Variants in RERE observed in about 807,000 individuals in gnomAD.
The protein encoded by RERE is arginine-glutamic acid dipeptide repeats protein.
In RERE, 40 loss-of-function variants were observed where a neutral mutation model predicts 146.1. The observed-to-expected ratio is 0.27, with a 90% CI of 0.21 to 0.36. The LOEUF (loss-of-function observed/expected upper bound fraction) is 0.36, where lower values mean the gene tolerates loss of function less well. RERE is among the 10% of genes least tolerant of loss of function. The pLI, the probability that RERE is intolerant of heterozygous loss-of-function variation, is 1.00. For synonymous variants in RERE, 1,003 were observed against 866.0 expected (o/e 1.16, Z -2.78); for missense variants, 1,933 against 2,138.7 (o/e 0.90, Z 1.90).
At chr1:8,768,673 G>A (rs962499154) in intron 1 of RERE, among the ~76,000 whole-genome samples, 1 of 152,150 alleles carries the variant, frequency 6.6e-6, no homozygotes, top group African/African-American at 2.4e-5. Flanking sequence ...AAATTTACAG[G>A]CCAGTTAGGT....
At chr1:8,362,613 G>C in intron 16 of RERE, 70 bp downstream of exon 16, 1 of 1,586,602 alleles carries the variant, frequency 6.3e-7, no homozygotes, top group Non-Finnish European at 8.6e-7. Flanking sequence ...AGCTGATCAC[G>C]AATACCAGCA....
At chr1:8,437,818 AC>A (rs1458256314) in intron 11 of RERE, among the ~76,000 whole-genome samples, 2 of 152,134 alleles carry the variant, frequency 1.3e-5, no homozygotes, top group Non-Finnish European at 2.9e-5. Flanking sequence ...CTAAAATTTT[AC>A]AAAAAGAAAT....
chr1:8,507,735 A>ATTTTT (rs1404147445), intron 8 of RERE, among the ~76,000 whole-genome samples: 3 of 41,416 alleles, frequency 7.2e-5, no homozygotes, highest in Non-Finnish European at 1.3e-4. Flanking sequence ...AACATCTTTT[A>ATTTTT]TCTTTTTTTT....
intron 1 of RERE, among the ~76,000 whole-genome samples, chr1:8,714,756 T>C (rs1016200832): frequency 1.3e-5 from 2 of 152,102 alleles, no homozygotes; most frequent in African/African-American, 4.8e-5. Flanking sequence ...TTCCAATAGT[T>C]CTGTTGGAAA....
At chr1:8,631,472 G>T (rs1261908043) in intron 2 of RERE, among the ~76,000 whole-genome samples, 1 of 152,122 alleles carries the variant, frequency 6.6e-6, no homozygotes, top group East Asian at 1.9e-4. Flanking sequence ...CATGACCCCC[G>T]CTTCCCAAAT....
rs933771933 is a variant in RERE at position 8,352,479 on chromosome 1, C to G, written c.*2608G>C. The stretch of plus-strand genomic sequence containing the variant: ...ACAAAATACTCAAATGGAGAGAACA[C>G]AGAAGTCACGATTTCTGGGTGTCTA... On this transcript the variant is annotated 3_prime_UTR_variant, in exon 23 of 23. Coordinates refer to ENST00000400908, the MANE Select transcript of RERE (RefSeq NM_001042681.2). 1.3e-5 allele frequency: 2 copies of G among 152,448 alleles called. No individual in the cohort carries two copies. Among genetic ancestry groups the G allele is most frequent in the Non-Finnish European group, 2.9e-5 (2 of 68,038 alleles). The allele number at this position is 152,448 out of a possible 1,614,324, so 9.4% of individuals were successfully genotyped here. A position where few individuals can be genotyped will look rare whatever the true frequency, so the allele number is the denominator to read the frequency against.
At chr1:8,640,132 G>T (rs1647157097) in intron 2 of RERE, among the ~76,000 whole-genome samples, 1 of 150,742 alleles carries the variant, frequency 6.6e-6, no homozygotes, top group Admixed American at 6.7e-5. Context: ...TCCAACCTGG[G>T]TGACAGAGTA....
chr1:8,588,451 C>T (rs1232635802), intron 4 of RERE, among the ~76,000 whole-genome samples: 1 of 152,152 alleles, frequency 6.6e-6, no homozygotes, highest in South Asian at 2.1e-4. Flanking sequence ...CTCGTCCAGT[C>T]TCTCTGGGTG....
intron 4 of RERE, among the ~76,000 whole-genome samples, chr1:8,607,107 C>T (rs574834167): frequency 2.2e-4 from 34 of 152,056 alleles, no homozygotes; most frequent in Non-Finnish European, 4.4e-4. Flanking sequence ...ACAATTGTAA[C>T]CCTAACCCTT....
chr1:8,469,310 A>G (rs1030050420), intron 10 of RERE, among the ~76,000 whole-genome samples: 1 of 152,200 alleles, frequency 6.6e-6, no homozygotes, highest in Admixed American at 6.5e-5. Flanking sequence ...TCTCACATAC[A>G]GGAAAAAATT....
chr1:8,779,458 G>T (rs1312200428), intron 1 of RERE, among the ~76,000 whole-genome samples: 1 of 151,820 alleles, frequency 6.6e-6, no homozygotes, highest in Non-Finnish European at 1.5e-5. Context: ...GGTCCAGGAG[G>T]TCGAGACCAG....
intron 1 of RERE, among the ~76,000 whole-genome samples, chr1:8,725,920 T>C (rs922407645): frequency 1.3e-5 from 2 of 151,620 alleles, no homozygotes; most frequent in Non-Finnish European, 2.9e-5. Context: ...TAATTTTAAC[T>C]TTGTTTTAAA....
chr1:8,453,329 C>T (rs1644410849), intron 11 of RERE, among the ~76,000 whole-genome samples: 1 of 152,200 alleles, frequency 6.6e-6, no homozygotes, highest in African/African-American at 2.4e-5. Context: ...GAGCCCACCC[C>T]ACTCTTTAAG....
intron 1 of RERE, among the ~76,000 whole-genome samples, chr1:8,750,012 C>G (rs148526575): frequency 6.6e-5 from 10 of 151,814 alleles, no homozygotes; most frequent in Admixed American, 3.9e-4. Flanking sequence ...ATTAACCAGG[C>G]GTGGTGGCGG....
Position 8,602,434 on chromosome 1 carries a change from G to A in RERE, c.522+12127C>T, listed in dbSNP as rs547511116. Among the ~76,000 whole-genome samples, 9 of 149,726 alleles carry A rather than the reference G, an allele frequency of 6.0e-5. No homozygotes were observed. The South Asian group carries it at 1.9e-3, about 32-fold the overall frequency. The stretch of plus-strand genomic sequence containing the variant: ...AGAAAACATAATAAAACAGCCTCAC[G>A]CTATGTTCACTGGAAAATTTATATG... On this transcript the variant is annotated intron_variant, in intron 4 of 22. Coordinates refer to ENST00000400908, the MANE Select transcript of RERE (RefSeq NM_001042681.2).
chr1:8,495,200 T>A, intron 9 of RERE, 38 bp from the exon 10 acceptor site: 1 of 1,456,194 alleles, frequency 6.9e-7, no homozygotes, highest in African/African-American at 1.4e-5. Flanking sequence ...TAGTACATAG[T>A]AATATCAGGA....
At chr1:8,518,471 G>A (rs1645449659) in intron 7 of RERE, among the ~76,000 whole-genome samples, 1 of 152,206 alleles carries the variant, frequency 6.6e-6, no homozygotes, top group Admixed American at 6.5e-5. Flanking sequence ...ATTAAGTTGA[G>A]CAGGAAGACT....
chr1:8,731,973 T>G (rs139184490), intron 1 of RERE, among the ~76,000 whole-genome samples: 26,307 of 152,028 alleles, frequency 0.17, 2,722 homozygotes, highest in Middle Eastern at 0.26. Context: ...CGGCTAATTT[T>G]TTTGTATTTT....
At chr1:8,535,043 G>C (rs1029461392) in intron 7 of RERE, among the ~76,000 whole-genome samples, 1 of 152,054 alleles carries the variant, frequency 6.6e-6, no homozygotes, top group Non-Finnish European at 1.5e-5. Context: ...GGATCACTGA[G>C]GGGGGAGGGA....
Sources: allele counts gnomAD v4.1 joint callset (sites outside exome capture counted in the v4.1 genomes callset), GRCh38; gene constraint gnomAD v4.1.1; transcripts MANE v1.5; gene names NCBI Gene and HGNC (gene_info 2026-07-23, HGNC 2026-07-21).